MCCC1: variants seen among roughly 807,000 people sequenced by gnomAD.
MCCC1 encodes the protein methylcrotonoyl-CoA carboxylase subunit alpha, mitochondrial.
A neutral mutation model predicts 83.8 loss-of-function variants in MCCC1; 64 were observed. The ratio of observed to expected loss-of-function variants is 0.76; its 90% CI spans 0.62 to 0.94. MCCC1 has a LOEUF of 0.94. Ranked by LOEUF, MCCC1 falls within the 40% of genes least tolerant of loss-of-function variation. The pLI is 0.00. For synonymous variants in MCCC1, 322 were observed against 315.4 expected (o/e 1.02, Z -0.22); for missense variants, 807 against 904.7 (o/e 0.89, Z 1.39).
At chr3:183,089,539 G>A (rs1718162542) in intron 3 of MCCC1, among the ~76,000 whole-genome samples, 2 of 152,132 alleles carry the variant, frequency 1.3e-5, no homozygotes, top group South Asian at 4.1e-4. Context: ...GCTTGAGCCT[G>A]GGGGGTTGAG....
intron 1 of MCCC1, among the ~76,000 whole-genome samples, chr3:183,113,140 C>T (rs191361061): frequency 1.7e-4 from 25 of 150,824 alleles, no homozygotes; most frequent in African/African-American, 6.1e-4. Context: ...AGGAGAATCC[C>T]TTGAACCCGG....
chr3:183,033,425 C>T (rs1713246652), intron 14 of MCCC1, among the ~76,000 whole-genome samples: 2 of 152,152 alleles, frequency 1.3e-5, no homozygotes. Flanking sequence ...TTTCATCTTC[C>T]ATACGTGGGT....
At chr3:183,091,920 T>C (rs1012829915) in intron 3 of MCCC1, among the ~76,000 whole-genome samples, 2 of 151,896 alleles carry the variant, frequency 1.3e-5, no homozygotes, top group Admixed American at 6.6e-5. Context: ...CACCTATAGT[T>C]CCAGCTACTC....
intron 8 of MCCC1, among the ~76,000 whole-genome samples, chr3:183,056,978 A>G (rs954916374): frequency 2.0e-5 from 3 of 152,202 alleles, no homozygotes; most frequent in South Asian, 2.1e-4. Context: ...TACAGGCGTG[A>G]GCCACCGCGC....
chr3:183,100,538 G>T (rs1719168067), upstream of MCCC1, among the ~76,000 whole-genome samples: 1 of 152,168 alleles, frequency 6.6e-6, no homozygotes. Flanking sequence ...GCACAAAAAA[G>T]ATGGAAGTCT....
chr3:183,085,307 C>A (rs1035249778), intron 4 of MCCC1, among the ~76,000 whole-genome samples: 8 of 152,100 alleles, frequency 5.3e-5, no homozygotes, highest in African/African-American at 1.9e-4. Flanking sequence ...GATGGCTTTA[C>A]TCCCCAGCTT....
At chr3:183,054,686 T>C (rs1444828213) in intron 8 of MCCC1, among the ~76,000 whole-genome samples, 1 of 152,192 alleles carries the variant, frequency 6.6e-6, no homozygotes, top group Admixed American at 6.5e-5. Flanking sequence ...AAGTGTACAG[T>C]GATGTACTAG....
rs1393833643 is a variant in MCCC1 at position 183,052,217 on chromosome 3, T to C, written c.897A>G (p.Arg299=). The C allele has an allele frequency of 6.2e-7, 1 of 1,614,094 alleles. No homozygotes were observed. Among genetic ancestry groups the C allele is most frequent in the South Asian group, 1.1e-5 (1 of 91,080 alleles). ...APAPGIKSEV[R]KKLGEAAVRA... Reference sequence around the variant, plus strand: ...TGACTGCAGCTTCTCCCAGCTTTTTTCTTACTTCAGATTTAATACCAGGCT... The same window carrying C: ...TGACTGCAGCTTCTCCCAGCTTTTTCCTTACTTCAGATTTAATACCAGGCT... Residue 299 remains arginine, a synonymous_variant, in exon 9 of 19, where the codon AGA becomes AGG. Coordinates refer to ENST00000265594, the MANE Select transcript of MCCC1 (RefSeq NM_020166.5).
At chr3:183,070,104 A>G (rs1316327175) in intron 7 of MCCC1, among the ~76,000 whole-genome samples, 2 of 152,240 alleles carry the variant, frequency 1.3e-5, no homozygotes, top group African/African-American at 4.8e-5. Flanking sequence ...GGACAGCAAG[A>G]TTATTTAGCA....
intron 4 of MCCC1, among the ~76,000 whole-genome samples, chr3:183,075,705 T>C (rs1717021375): frequency 6.6e-6 from 1 of 152,084 alleles, no homozygotes; most frequent in Non-Finnish European, 1.5e-5. Context: ...CACGCCCTGC[T>C]AATCTTTTTG....
At chr3:183,058,557 G>C (rs1715598464) in intron 7 of MCCC1, among the ~76,000 whole-genome samples, 1 of 152,184 alleles carries the variant, frequency 6.6e-6, no homozygotes, top group Admixed American at 6.5e-5. Context: ...AGGAATTCAA[G>C]GTGGCAGTGA....
intron 4 of MCCC1, among the ~76,000 whole-genome samples, chr3:183,078,033 A>T (rs1350307109): frequency 3.9e-5 from 6 of 152,058 alleles, no homozygotes; most frequent in East Asian, 1.9e-4. Context: ...TTATATATAT[A>T]TTTTGAGACA....
chr3:183,076,696 T>C (rs1560263451), intron 4 of MCCC1, among the ~76,000 whole-genome samples: 1 of 152,216 alleles, frequency 6.6e-6, no homozygotes, highest in Non-Finnish European at 1.5e-5. Context: ...GCCAATCTAG[T>C]GGGTGCATAG....
intron 14 of MCCC1, chr3:183,029,029 C>T (rs9290752): frequency 1.5e-3 from 232 of 152,122 alleles, no homozygotes; most frequent in African/African-American, 5.3e-3. Flanking sequence ...GTTATTGGCA[C>T]ACAATAAAGT....
intron 3 of MCCC1, among the ~76,000 whole-genome samples, chr3:183,089,505 T>C (rs1049412964): frequency 1.3e-5 from 2 of 152,134 alleles, no homozygotes; most frequent in Admixed American, 6.6e-5. Flanking sequence ...TCCCAGCTAC[T>C]CAGGAGGCTG....
intron 14 of MCCC1, among the ~76,000 whole-genome samples, chr3:183,031,741 A>C (rs1577254937): frequency 1.3e-5 from 2 of 150,230 alleles, no homozygotes; most frequent in South Asian, 4.2e-4. Context: ...CTCGTGATCC[A>C]CCTGCCTCAG....
intron 10 of MCCC1, among the ~76,000 whole-genome samples, chr3:183,044,755 C>A (rs1183605918): frequency 6.6e-6 from 1 of 152,094 alleles, no homozygotes; most frequent in Non-Finnish European, 1.5e-5. Context: ...GAATCTGAGT[C>A]CCTAAAGTGC....
At chr3:183,091,226 G>T (rs73886219) in intron 3 of MCCC1, among the ~76,000 whole-genome samples, 4,106 of 152,300 alleles carry the variant, frequency 0.027, 170 homozygotes, top group East Asian at 0.11. Context: ...GCATAATGAA[G>T]TCCAACAGTG....
intron 14 of MCCC1, among the ~76,000 whole-genome samples, chr3:183,031,084 T>C (rs1184850967): frequency 2.0e-5 from 3 of 152,216 alleles, no homozygotes; most frequent in African/African-American, 7.2e-5. Flanking sequence ...GCACCTGCAG[T>C]ATTAGGTCAG....
Sources: allele counts gnomAD v4.1 joint callset (sites outside exome capture counted in the v4.1 genomes callset), GRCh38; gene constraint gnomAD v4.1.1; transcripts MANE v1.5; gene names NCBI Gene and HGNC (gene_info 2026-07-23, HGNC 2026-07-21).